Variants in TMEM272 observed in about 807,000 individuals in gnomAD.
TMEM272 encodes long intergenic non-protein coding RNA 282.
A neutral mutation model predicts 3.7 loss-of-function variants in TMEM272; 8 were observed. The observed-to-expected ratio is 2.17, with a 90% CI of 1.27 to 3.91. The LOEUF is 3.91. TMEM272 is among the 30% of genes most tolerant of loss of function. TMEM272 has a pLI of 0.00. For missense variants in TMEM272, 166 were observed against 91.5 expected, an observed-to-expected ratio of 1.81 and a Z score of -3.32; for synonymous variants, 63 against 39.8, an observed-to-expected ratio of 1.58 and a Z score of -2.20.
At chr13:51,927,545 G>T in the TMEM272 span, among the ~76,000 whole-genome samples, 1 of 152,156 alleles carries the variant, frequency 6.6e-6, no homozygotes, top group Admixed American at 6.5e-5. Context: ...AAGGCAGGTG[G>T]GCTGAATGAC....
At chr13:51,854,231 G>C in the TMEM272 span, among the ~76,000 whole-genome samples, 3 of 152,024 alleles carry the variant, frequency 2.0e-5, no homozygotes, top group African/African-American at 7.3e-5. Context: ...TTCCTCCAGA[G>C]GCTATTATAA....
At chr13:51,932,811 C>T in the TMEM272 span, 1 of 152,074 alleles carries the variant, frequency 6.6e-6, no homozygotes, top group Admixed American at 6.5e-5. Flanking sequence ...ATTTCCATGT[C>T]CATATATGAA....
At chr13:51,895,382 T>C in the TMEM272 span, among the ~76,000 whole-genome samples, 1 of 152,082 alleles carries the variant, frequency 6.6e-6, no homozygotes, top group Non-Finnish European at 1.5e-5. Flanking sequence ...AAATATTCCT[T>C]ATGGATGGGG....
chr13:51,923,569 T>C, the TMEM272 span, among the ~76,000 whole-genome samples: 1 of 151,794 alleles, frequency 6.6e-6, no homozygotes, highest in Non-Finnish European at 1.5e-5. Flanking sequence ...GCTGGCGCTG[T>C]GGACTTGAGA....
chr13:51,921,911 C>CGTGT, the TMEM272 span, among the ~76,000 whole-genome samples: 45 of 151,780 alleles, frequency 3.0e-4, no homozygotes, highest in African/African-American at 1.0e-3. Context: ...CCACTGTGTG[C>CGTGT]GTGTGTGTGT....
At chr13:51,836,905 G>A (rs908348637) in intron 2 of TMEM272, among the ~76,000 whole-genome samples, 1 of 152,168 alleles carries the variant, frequency 6.6e-6, no homozygotes, top group East Asian at 1.9e-4. Flanking sequence ...TGATTCAAGA[G>A]GTAAACGGGG....
the TMEM272 span, among the ~76,000 whole-genome samples, chr13:51,854,197 T>C: frequency 2.0e-5 from 3 of 152,206 alleles, no homozygotes; most frequent in African/African-American, 4.8e-5. Context: ...CATTCACACT[T>C]AGCAATAATA....
At chr13:51,817,319 G>A (rs1157086217) in intron 4 of TMEM272, among the ~76,000 whole-genome samples, 2 of 152,206 alleles carry the variant, frequency 1.3e-5, no homozygotes. Flanking sequence ...ATTAAAACTG[G>A]CAAGAATGAA....
At chr13:51,895,795 T>C in the TMEM272 span, among the ~76,000 whole-genome samples, 130 of 152,288 alleles carry the variant, frequency 8.5e-4, 1 homozygote, top group East Asian at 0.022. Flanking sequence ...ATGCGCCAAA[T>C]GCTTAACATC....
the TMEM272 span, among the ~76,000 whole-genome samples, chr13:51,866,590 C>T: frequency 0.45 from 68,081 of 152,116 alleles, 16,470 homozygotes; most frequent in Non-Finnish European, 0.54. Context: ...GCCTCTTCCT[C>T]CTCTGGTAGG....
In TMEM272 at chr13:51,814,487, C is replaced by T. The variant is rs917185812; in HGVS notation, c.*2264G>A. On this transcript the variant is annotated 3_prime_UTR_variant, in exon 5 of 5. Coordinates refer to ENST00000629372, the MANE Select transcript of TMEM272 (RefSeq NM_001351003.2). ...ATTTTGTTTTTTAGAGATGGGGTCT[C>T]ATTCTGTCACCCAGAGTAGAGTGCA... The T allele has an allele frequency of 2.0e-5, 3 of 152,270 alleles. No individual in the cohort carries two copies. The highest frequency in any genetic ancestry group is 4.4e-5 in the Non-Finnish European group (3 of 68,072). 9.4% of individuals were successfully genotyped at this position (152,270 alleles called of 1,614,324 possible). A position where few individuals can be genotyped will look rare whatever the true frequency, so the allele number is the denominator to read the frequency against.
the TMEM272 span, among the ~76,000 whole-genome samples, chr13:51,919,374 G>T: frequency 6.6e-6 from 1 of 152,126 alleles, no homozygotes; most frequent in East Asian, 1.9e-4. Context: ...GAAATAACAA[G>T]TTACAAATAT....
At chr13:51,828,029 G>C (rs1764420789) in intron 2 of TMEM272, among the ~76,000 whole-genome samples, 1 of 152,178 alleles carries the variant, frequency 6.6e-6, no homozygotes, top group African/African-American at 2.4e-5. Context: ...ATCATGAGGG[G>C]AAGCCAGCCT....
chr13:51,909,275 C>T, the TMEM272 span: 9 of 1,041,964 alleles, frequency 8.6e-6, no homozygotes, highest in Non-Finnish European at 1.2e-5. Flanking sequence ...GGTATATAAT[C>T]TTCCCTTGAT....
chr13:51,931,247 C>T, the TMEM272 span, among the ~76,000 whole-genome samples: 16 of 147,804 alleles, frequency 1.1e-4, no homozygotes, highest in East Asian at 3.2e-3. Context: ...GAAAATGTGG[C>T]ACATGTACAC....
chr13:51,851,522 C>CTTT, the TMEM272 span, among the ~76,000 whole-genome samples: 4,578 of 97,960 alleles, frequency 0.047, 372 homozygotes, highest in African/African-American at 0.15. Context: ...TTTGTTTTAC[C>CTTT]TTTTTTTTTT....
chr13:51,913,198 A>T, the TMEM272 span, among the ~76,000 whole-genome samples: 2 of 152,170 alleles, frequency 1.3e-5, no homozygotes. Flanking sequence ...ACTCTTAGAC[A>T]TCCCTTTCCC....
the TMEM272 span, among the ~76,000 whole-genome samples, chr13:51,885,898 G>C: frequency 3.9e-5 from 6 of 152,164 alleles, no homozygotes; most frequent in African/African-American, 1.4e-4. Context: ...TGCCCAATGA[G>C]AGCAAAGAAT....
intron 4 of TMEM272, 72 bp from the exon 5 acceptor site, chr13:51,817,185 T>G: frequency 1.5e-6 from 1 of 645,558 alleles, no homozygotes; most frequent in Non-Finnish European, 2.8e-6. Flanking sequence ...GGATAGAAGG[T>G]AGCGGTGGTG....
Sources: allele counts gnomAD v4.1 joint callset (sites outside exome capture counted in the v4.1 genomes callset), GRCh38; gene constraint gnomAD v4.1.1; transcripts MANE v1.5; gene names NCBI Gene and HGNC (gene_info 2026-07-23, HGNC 2026-07-21).